Variants in FASN observed in about 807,000 individuals in gnomAD.
FASN encodes 3-hydroxyacyl-[acyl-carrier-protein] dehydratase.
A neutral mutation model predicts 250.0 loss-of-function variants in FASN; 50 were observed. The observed-to-expected ratio is 0.20, with a 90% CI of 0.16 to 0.25. The LOEUF (loss-of-function observed/expected upper bound fraction) is 0.25, where lower values mean the gene tolerates loss of function less well. Among genes scored for constraint, FASN ranks in the 10% least tolerant of loss-of-function variants. The pLI, the probability that FASN is intolerant of heterozygous loss-of-function variation, is 1.00. For missense variants in FASN, 3,031 were observed against 3,498.5 expected, an observed-to-expected ratio of 0.87 and a Z score of 3.37; for synonymous variants, 1,909 against 1,584.0, an observed-to-expected ratio of 1.21 and a Z score of -4.87.
chr17:82,082,656 G>T lies in FASN; in HGVS notation c.5790C>A (p.Arg1930=). The T allele has an allele frequency of 1.2e-6, 2 of 1,610,088 alleles. No individual in the cohort carries two copies. Among genetic ancestry groups the T allele is most frequent in the Non-Finnish European group, 1.7e-6 (2 of 1,179,880 alleles). Residue 1930 remains arginine (R), a synonymous_variant, in exon 34 of 43, where the codon CGC becomes CGA. Coordinates refer to ENST00000306749, the MANE Select transcript of FASN (RefSeq NM_004104.5). ...IRTGYQAKQV[R]RWRRQGVQVQ... Reference sequence around the variant, plus strand: ...CCTGTACGCCCTGGCGCCTCCACCGGCGGACCTGCTTGGCCTGGTAGCCTG... The same window carrying T: ...CCTGTACGCCCTGGCGCCTCCACCGTCGGACCTGCTTGGCCTGGTAGCCTG...
intron 1 of FASN, chr17:82,096,986 G>T (rs1390326395): frequency 4.2e-6 from 1 of 238,868 alleles, no homozygotes; most frequent in East Asian, 1.1e-4. Flanking sequence ...CCCTAGAGGG[G>T]GGTACTCAGC....
Position 82,083,907 on chromosome 17 carries a change from A to G in FASN, c.5099-16T>C, listed in dbSNP as rs1171001466. 4 of 1,557,482 alleles carry G rather than the reference A, an allele frequency of 2.6e-6. No homozygotes were observed. The Admixed American group carries it at 7.8e-5, about 30-fold the overall frequency. ...TCAGCCGACCCTGGTGAAGAGAGGA[A>G]GCGCGGCTGGTGAGCCAGGGCGGCG... On this transcript the variant is annotated splice_polypyrimidine_tract_variant and intron_variant, in intron 29 of 42. Transcript: ENST00000306749.
chr17:82,091,104 A>ATCCCGTGCCACTGTGTGCCCATCCCCG (rs2034197576), intron 9 of FASN, 35 bp from the exon 10 acceptor site: 8 of 1,606,812 alleles, frequency 5.0e-6, no homozygotes, highest in Non-Finnish European at 5.9e-6. Flanking sequence ...GCTCAGCCCC[A>ATCCCGTGCCACTGTGTGCCCATCCCCG]TCCCGTGCCA....
In FASN at chr17:82,086,453, A is replaced by T; in HGVS notation, c.3533T>A (p.Leu1178Gln). ...GCAGGCAGCCGACAACAGCCGGGGC[A>T]GTTCCTGCTGTGAGGGGTCCCGGGG... ...QIPRDPSQQE[L>Q]PRLLSAACRL... Residue 1178 changes from leucine (L) to glutamine (Q), a missense_variant, in exon 22 of 43, where the codon CTG becomes CAG. Coordinates refer to ENST00000306749, the MANE Select transcript of FASN (RefSeq NM_004104.5). 1 of 1,612,292 alleles carries T rather than the reference A, an allele frequency of 6.2e-7. No individual in the cohort carries two copies. The highest frequency in any genetic ancestry group is 1.1e-5 in the South Asian group (1 of 91,076).
chr17:82,079,681 G>A (rs1269018330), intron 41 of FASN, 73 bp from the exon 42 acceptor site: 10 of 1,526,374 alleles, frequency 6.6e-6, no homozygotes, highest in Admixed American at 2.3e-5. Flanking sequence ...CACTGCGGGT[G>A]GGCTTTTTTT....
chr17:82,085,088 G>A lies in FASN; in HGVS notation c.4356C>T (p.Gly1452=), dbSNP rs749781529. The A allele has an allele frequency of 9.3e-6, 15 of 1,612,472 alleles. No individual in the cohort carries two copies. The East Asian group carries it at 1.1e-4, about 12-fold the overall frequency. Residue 1452 remains glycine, a synonymous_variant, in exon 25 of 43, where the codon GGC becomes GGT. Coordinates refer to ENST00000306749, the MANE Select transcript of FASN (RefSeq NM_004104.5). ...GGAGACAGTTCACCAAGCCCACCACGCCCGAGGTGGCACAGTTGATGGCCT... is the reference window on the plus strand; with the variant it reads ...GGAGACAGTTCACCAAGCCCACCACACCCGAGGTGGCACAGTTGATGGCCT... The part of the protein sequence containing the change: ...WLKAINCATS[G]VVGLVNCLRR...
chr17:82,084,473 C>T (rs571435395), intron 27 of FASN, 40 bp downstream of exon 27: 2 of 1,589,166 alleles, frequency 1.3e-6, no homozygotes, highest in East Asian at 4.6e-5. Flanking sequence ...GTCTCTGCTC[C>T]CCGGCCCAGT....
chr17:82,092,439 GC>G lies in FASN; in HGVS notation c.1029+15del. The G allele has an allele frequency of 6.4e-7, 1 of 1,559,440 alleles. No individual in the cohort carries two copies. The highest frequency in any genetic ancestry group is 1.2e-5 in the South Asian group (1 of 85,478). On this transcript the variant is annotated intron_variant, in intron 8 of 42. Coordinates refer to ENST00000306749, the MANE Select transcript of FASN (RefSeq NM_004104.5). ...GAGCAGGAGCCTGAGGGACCCCCAA[GC>G]CCAGCCCCACCTACCTTGGCCAGGG...
rs956152177 is a variant in FASN at position 82,087,238 on chromosome 17, A to C, written c.3239T>G (p.Val1080Gly). 3.1e-6 allele frequency: 5 copies of C among 1,606,820 alleles called. No individual in the cohort carries two copies. Among genetic ancestry groups the C allele is most frequent in the Non-Finnish European group, 4.2e-6 (5 of 1,177,928 alleles). The stretch of plus-strand genomic sequence containing the variant: ...CACTGTGACCCTCAGCCACCTGCTC[A>C]CCACCACGTCAGCCACTGTGGGGAC... Reference protein sequence around the residue: ...QDKAQVADVVVSRWLRVTVAG... With the variant: ...QDKAQVADVVGSRWLRVTVAG... Residue 1080 changes from valine to glycine, a missense_variant, in exon 21 of 43, where the codon GTG becomes GGG. Transcript: ENST00000306749.
intron 3 of FASN, 118 bp downstream of exon 3, chr17:82,095,202 C>T (rs2034283334): frequency 3.9e-6 from 5 of 1,283,164 alleles, no homozygotes; most frequent in South Asian, 1.2e-5. Flanking sequence ...AGGGGCACAG[C>T]CGGGGAGGGT....
Position 82,088,851 on chromosome 17 carries a change from G to A in FASN, c.2330C>T (p.Pro777Leu), listed in dbSNP as rs554712541. Reference sequence around the variant, plus strand: ...CATCAGGGGGATGATGGTGCAGCTCGGCTTCAGGCCACGCTTCAGGACAGC... The same window carrying A: ...CATCAGGGGGATGATGGTGCAGCTCAGCTTCAGGCCACGCTTCAGGACAGC... ...LQAVLKRGLK[P>L]SCTIIPLMKK... The change falls in exon 15 of 43, where the codon CCG becomes CTG. Residue 777 changes from proline (P) to leucine (L), a missense_variant. Coordinates refer to ENST00000306749, the MANE Select transcript of FASN (RefSeq NM_004104.5). The A allele has an allele frequency of 1.1e-5, 17 of 1,612,428 alleles. No homozygotes were observed. The highest frequency in any genetic ancestry group is 2.2e-5 in the South Asian group (2 of 91,088).
Position 82,089,710 on chromosome 17 carries a change from C to A in FASN, c.1887G>T (p.Glu629Asp), listed in dbSNP as rs1161492678. 2.5e-6 allele frequency: 4 copies of A among 1,585,350 alleles called. No homozygotes were observed. Among genetic ancestry groups the A allele is most frequent in the Admixed American group, 1.8e-5 (1 of 55,144 alleles). Residue 629 changes from glutamate (E) to aspartate (D), a missense_variant, in exon 12 of 43, where the codon GAG becomes GAT. Transcript: ENST00000306749. ...CGCCCGGGGGGCAGCGCTGTTTACA[C>A]TCCTCCCAGGACAAGCCTATGGCAG... ...AMAAVGLSWE[E>D]CKQRCPPGVV...
chr17:82,083,020 G>A lies in FASN; in HGVS notation c.5661C>T (p.Tyr1887=), dbSNP rs1272626984. Residue 1887 remains tyrosine (Y), a synonymous_variant, in exon 33 of 43, where the codon TAC becomes TAT. Coordinates refer to ENST00000306749, the MANE Select transcript of FASN (RefSeq NM_004104.5). ...AGCCACCCAGACCACCAGCGATGATGTAGCTCTTGTGGGCCGGGCAGAAGG... is the reference window on the plus strand; with the variant it reads ...AGCCACCCAGACCACCAGCGATGATATAGCTCTTGTGGGCCGGGCAGAAGG... The part of the protein sequence containing the change: ...SKTFCPAHKS[Y]IIAGGLGGFG... 2.2e-5 allele frequency: 35 copies of A among 1,612,844 alleles called. No homozygotes were observed. The highest frequency in any genetic ancestry group is 5.3e-5 in the African/African-American group (4 of 74,918).
In FASN at chr17:82,085,766, G is replaced by A. The variant is rs775386841; in HGVS notation, c.3838C>T (p.Leu1280=). 4.5e-6 allele frequency: 7 copies of A among 1,564,486 alleles called. No individual in the cohort carries two copies. Among genetic ancestry groups the A allele is most frequent in the Non-Finnish European group, 5.2e-6 (6 of 1,154,876 alleles). Residue 1280 remains leucine (L), a synonymous_variant, in exon 23 of 43, where the codon CTG becomes TTG. Transcript: ENST00000306749. ...TGCAGCTCGGCCTGGGCAGCCTCCA[G>A]GGCCTGGGGGTGGCGGTCGGTGGCC... The part of the protein sequence containing the change: ...YTATDRHPQA[L]EAAQAELQQH...
chr17:82,085,961 G>T, intron 22 of FASN, 90 bp from the exon 23 acceptor site: 3 of 1,400,474 alleles, frequency 2.1e-6, no homozygotes, highest in Admixed American at 2.6e-5. Flanking sequence ...CCTCAGTCTG[G>T]CAGAAAGGCT....
At chr17:82,095,135 T>C (rs906159735) in intron 3 of FASN, among the ~76,000 whole-genome samples, 185 bp downstream of exon 3, 4 of 152,148 alleles carry the variant, frequency 2.6e-5, no homozygotes, top group South Asian at 2.1e-4. Context: ...TGGGGTGCAG[T>C]TGGGAAACTG....
chr17:82,085,788 G>A lies in FASN; in HGVS notation c.3816C>T (p.Ala1272=). 6.4e-7 allele frequency: 1 copy of A among 1,563,660 alleles called. No homozygotes were observed. Among genetic ancestry groups the A allele is most frequent in the Non-Finnish European group, 8.7e-7 (1 of 1,155,488 alleles). Residue 1272 remains alanine, a synonymous_variant, in exon 23 of 43, where the codon GCC becomes GCT. Coordinates refer to ENST00000306749, the MANE Select transcript of FASN (RefSeq NM_004104.5). ...PHPLLQLSYT[A]TDRHPQALEA... is the part of the protein sequence containing the mutation. ...CCAGGGCCTGGGGGTGGCGGTCGGT[G>A]GCCGTGTAGCTCAGCTGCAGCAGGG...
chr17:82,091,005 G>A lies in FASN; in HGVS notation c.1557C>T (p.Ser519=), dbSNP rs1316153090. ...TCACAGCCTCATCGGAGCGTAGGATGGAATCTCGGAAGCGGTCCAGGCGCA... is the reference window on the plus strand; with the variant it reads ...TCACAGCCTCATCGGAGCGTAGGATAGAATCTCGGAAGCGGTCCAGGCGCA... The part of the protein sequence containing the change: ...SLMRLDRFRD[S]ILRSDEAVKP... The change falls in exon 10 of 43, where the codon TCC becomes TCT. Residue 519 remains serine (S), a synonymous_variant. Coordinates refer to ENST00000306749, the MANE Select transcript of FASN (RefSeq NM_004104.5). 2.5e-6 allele frequency: 4 copies of A among 1,612,706 alleles called. No homozygotes were observed. The highest frequency in any genetic ancestry group is 1.1e-5 in the South Asian group (1 of 91,090).
rs1477623512 is a variant in FASN, at chr17:82,092,559, T to C, written c.925A>G (p.Thr309Ala). ...TGGCGGGTGGCGCACAGGGCTCGGG[T>C]GATGCCATTCAGCTCCTGGGGGTCG... The part of the protein sequence containing the change: ...VGDPQELNGI[T>A]RALCATRQEP... Residue 309 changes from threonine to alanine, a missense_variant, in exon 8 of 43, where the codon ACC (threonine) becomes GCC (alanine). Physicochemically the swap from Thr to Ala is moderately conservative, Grantham distance 58 (BLOSUM62 0). Transcript: ENST00000306749. The C allele has an allele frequency of 8.7e-6, 14 of 1,603,762 alleles. No homozygotes were observed. The highest frequency in any genetic ancestry group is 1.2e-5 in the Non-Finnish European group (14 of 1,178,270).
Sources: gnomAD v4.1 joint callset for allele counts (sites outside exome capture counted in the v4.1 genomes callset) on GRCh38, gnomAD v4.1.1 for gene constraint, MANE v1.5 for transcripts, NCBI Gene and HGNC (gene_info 2026-07-23, HGNC 2026-07-21) for gene names.